Variants in LHFPL3 observed in about 807,000 individuals in gnomAD.
LHFPL3 encodes LHFPL tetraspan subfamily member 3 protein.
In LHFPL3, 5 loss-of-function variants were observed where a neutral mutation model predicts 19.3. The ratio of observed to expected loss-of-function variants is 0.26; its 90% CI spans 0.14 to 0.54. The LOEUF (loss-of-function observed/expected upper bound fraction) is 0.54, where lower values mean the gene tolerates loss of function less well. Among genes scored for constraint, LHFPL3 ranks in the 20% least tolerant of loss-of-function variants. The pLI is 0.94. For synonymous variants in LHFPL3, 133 were observed against 126.2 expected (o/e 1.05, Z -0.36); for missense variants, 249 against 307.4 (o/e 0.81, Z 1.42).
At chr7:104,835,577 TG>T (rs1791074499) in intron 2 of LHFPL3, among the ~76,000 whole-genome samples, 1 of 94,156 alleles carries the variant, frequency 1.1e-5, no homozygotes, top group African/African-American at 3.2e-5. Context: ...TCCAGAACTT[TG>T]TTTTCTTTTT....
intron 1 of LHFPL3, among the ~76,000 whole-genome samples, chr7:104,360,421 G>C (rs1283482180): frequency 6.6e-6 from 1 of 152,136 alleles, no homozygotes; most frequent in African/African-American, 2.4e-5. Flanking sequence ...AATGCTTAAT[G>C]AACTGATAAG....
At chr7:104,699,236 A>G (rs1222967558) in intron 1 of LHFPL3, among the ~76,000 whole-genome samples, 3 of 152,252 alleles carry the variant, frequency 2.0e-5, no homozygotes, top group Non-Finnish European at 2.9e-5. Context: ...ATCCATGTTT[A>G]TAGCCACATT....
chr7:104,538,256 G>A (rs1236721915), intron 1 of LHFPL3, among the ~76,000 whole-genome samples: 1 of 152,184 alleles, frequency 6.6e-6, no homozygotes, highest in Non-Finnish European at 1.5e-5. Context: ...TGTGAGAAAT[G>A]TGTCCTTAGA....
chr7:104,513,756 C>T (rs930371829), intron 1 of LHFPL3, among the ~76,000 whole-genome samples: 1 of 152,182 alleles, frequency 6.6e-6, no homozygotes, highest in Admixed American at 6.6e-5. Context: ...ATCTGGATCC[C>T]ATCCCCAAGA....
intron 1 of LHFPL3, among the ~76,000 whole-genome samples, chr7:104,566,308 A>G (rs936166900): frequency 2.6e-5 from 4 of 152,136 alleles, no homozygotes; most frequent in African/African-American, 4.8e-5. Context: ...TCGTAACCAC[A>G]TCACTACACT....
chr7:104,897,891 T>C (rs1179658117), intron 2 of LHFPL3, among the ~76,000 whole-genome samples: 1 of 151,802 alleles, frequency 6.6e-6, no homozygotes, highest in Non-Finnish European at 1.5e-5. Context: ...AGAAAACCTT[T>C]CCATAAAGGT....
At chr7:104,736,968 T>C (rs1021509473) in intron 2 of LHFPL3, 57 bp downstream of exon 2, 4 of 1,347,582 alleles carry the variant, frequency 3.0e-6, no homozygotes, top group East Asian at 2.5e-5. Flanking sequence ...AAAATGGTGC[T>C]CTCCATTCTT....
chr7:104,547,351 G>A (rs543819661), intron 1 of LHFPL3, among the ~76,000 whole-genome samples: 1 of 151,534 alleles, frequency 6.6e-6, no homozygotes, highest in Non-Finnish European at 1.5e-5. Flanking sequence ...TCATCTGTCA[G>A]TGTAGATAGT....
At chr7:104,736,952 C>A (rs1562977326) in intron 2 of LHFPL3, 41 bp downstream of exon 2, 3 of 1,477,090 alleles carry the variant, frequency 2.0e-6, no homozygotes, top group Admixed American at 4.1e-5. Context: ...ATGCCTCAAG[C>A]ACAAAAAAAT....
At chr7:104,549,406 A>AT in intron 1 of LHFPL3, among the ~76,000 whole-genome samples, 1 of 149,548 alleles carries the variant, frequency 6.7e-6, no homozygotes, top group Non-Finnish European at 1.5e-5. Context: ...GTAGCCTATT[A>AT]TTTTTTTGAG....
chr7:104,742,474 A>G (rs1210842596), intron 2 of LHFPL3, among the ~76,000 whole-genome samples: 1 of 152,248 alleles, frequency 6.6e-6, no homozygotes, highest in African/African-American at 2.4e-5. Flanking sequence ...CAACTAATTG[A>G]GAAATCTTTC....
intron 2 of LHFPL3, among the ~76,000 whole-genome samples, chr7:104,824,763 A>T (rs1178792546): frequency 6.3e-5 from 2 of 31,572 alleles, no homozygotes; most frequent in Non-Finnish European, 1.6e-4. Flanking sequence ...ATTATATATA[A>T]TATATTATAT....
rs77436648 is a variant in LHFPL3, at chr7:104,397,867, A to G, written c.445+68643A>G. ...GAGGAGGGACATTCCTTGTTAAGGA[A>G]ATAGCACATGCCAAGGATCCTATGG... On this transcript the variant is annotated intron_variant, in intron 1 of 2. Transcript: ENST00000424859. Among the ~76,000 whole-genome samples, 1,493 of 152,284 alleles carry G rather than the reference A, an allele frequency of 9.8e-3. 32 individuals are homozygous for G. Among genetic ancestry groups the G allele is most frequent in the African/African-American group, 0.034 (1,423 of 41,552 alleles).
chr7:104,581,754 G>T (rs1164791346), intron 1 of LHFPL3, among the ~76,000 whole-genome samples: 1 of 151,792 alleles, frequency 6.6e-6, no homozygotes, highest in Non-Finnish European at 1.5e-5. Flanking sequence ...TTTTCCCATT[G>T]AATTATTTTG....
chr7:104,605,792 A>T (rs1367955609), intron 1 of LHFPL3, among the ~76,000 whole-genome samples: 2 of 152,168 alleles, frequency 1.3e-5, no homozygotes, highest in African/African-American at 4.8e-5. Flanking sequence ...ACTGCAGGAA[A>T]AAAACATCAG....
chr7:104,874,170 T>C (rs1159817087), intron 2 of LHFPL3, among the ~76,000 whole-genome samples: 2 of 152,212 alleles, frequency 1.3e-5, no homozygotes, highest in Non-Finnish European at 2.9e-5. Flanking sequence ...GTTCAAAATA[T>C]TAACCTCACT....
chr7:104,373,404 A>C (rs1191312004), intron 1 of LHFPL3, among the ~76,000 whole-genome samples: 2 of 152,226 alleles, frequency 1.3e-5, no homozygotes, highest in Non-Finnish European at 2.9e-5. Flanking sequence ...CGTATGTTTT[A>C]AATATTTTTA....
chr7:104,535,579 A>C (rs1343254723), intron 1 of LHFPL3, among the ~76,000 whole-genome samples: 1 of 152,232 alleles, frequency 6.6e-6, no homozygotes, highest in Admixed American at 6.5e-5. Flanking sequence ...GATGGGGAGT[A>C]ATCCTTTATC....
At chr7:104,584,136 T>C (rs1405663286) in intron 1 of LHFPL3, among the ~76,000 whole-genome samples, 1 of 151,742 alleles carries the variant, frequency 6.6e-6, no homozygotes, top group Non-Finnish European at 1.5e-5. Context: ...CCATAAAAAA[T>C]GATGAGTTCA....
Sources: gnomAD v4.1 joint callset for allele counts (sites outside exome capture counted in the v4.1 genomes callset) on GRCh38, gnomAD v4.1.1 for gene constraint, MANE v1.5 for transcripts, NCBI Gene and HGNC (gene_info 2026-07-23, HGNC 2026-07-21) for gene names.